The following KCTD8 variants were observed in gnomAD, a reference collection of about 807,000 sequenced individuals.
KCTD8 encodes potassium channel tetramerization domain containing 8.
In KCTD8, 27 loss-of-function variants were observed where a neutral mutation model predicts 31.5. That is an observed-to-expected ratio of 0.86 (90% CI 0.63 to 1.18). KCTD8 has a LOEUF of 1.18. Among genes scored for constraint, KCTD8 ranks in the 50% most tolerant of loss-of-function variants. The pLI is 0.00. For synonymous variants in KCTD8, 290 were observed against 280.0 expected (o/e 1.04, Z -0.36); for missense variants, 658 against 647.7 (o/e 1.02, Z -0.17).
At chr4:44,369,748 A>G (rs1227621586) in intron 1 of KCTD8, among the ~76,000 whole-genome samples, 2 of 152,162 alleles carry the variant, frequency 1.3e-5, no homozygotes, top group Non-Finnish European at 2.9e-5. Flanking sequence ...CAGTGAGCCA[A>G]GATTGCACCT....
intron 1 of KCTD8, among the ~76,000 whole-genome samples, chr4:44,325,674 T>G (rs1373858672): frequency 6.6e-6 from 1 of 151,886 alleles, no homozygotes; most frequent in South Asian, 2.1e-4. Context: ...ATAAAATAAA[T>G]ATTGAGGCAT....
At chr4:44,216,332 C>T (rs558083135) in intron 1 of KCTD8, among the ~76,000 whole-genome samples, 1 of 152,172 alleles carries the variant, frequency 6.6e-6, no homozygotes, top group Non-Finnish European at 1.5e-5. Flanking sequence ...GATATTATTA[C>T]TAGGTTTTGC....
intron 1 of KCTD8, among the ~76,000 whole-genome samples, chr4:44,253,399 T>G (rs544306867): frequency 1.3e-5 from 2 of 151,934 alleles, no homozygotes; most frequent in South Asian, 4.1e-4. Context: ...TCTGGTGGAT[T>G]AAAAATGGCC....
At position 44,344,009 on chromosome 4, in the gene KCTD8, C is replaced by G. The variant is rs186243311; in HGVS notation, c.961+103554G>C. Among the ~76,000 whole-genome samples, 817 of 152,104 alleles carry G rather than the reference C, an allele frequency of 5.4e-3. 13 individuals carry two copies. The highest frequency in any genetic ancestry group is 0.018 in the African/African-American group (760 of 41,492). On this transcript the variant is annotated intron_variant, in intron 1 of 1. Transcript: ENST00000360029. ...AGGTAGCGGGGACTACAGGCACACA[C>G]CACCACACCCAGCTAATTTTTGTAT... is the stretch of plus-strand genomic sequence containing the variant.
chr4:44,426,662 TA>T lies in KCTD8; in HGVS notation c.961+20900del, dbSNP rs144205190. Among the ~76,000 whole-genome samples the T allele has an allele frequency of 4.5e-3, 688 of 151,876 alleles. 10 individuals are homozygous for T. Among genetic ancestry groups the T allele is most frequent in the African/African-American group, 0.016 (666 of 41,516 alleles). ...ATTTCAAATTGGTATAAAAGGAAAT[TA>T]AAAACGAATATATTTATAAGTATTA... On this transcript the variant is annotated intron_variant, in intron 1 of 1. Transcript: ENST00000360029.
At chr4:44,186,138 C>T (rs866595848) in intron 1 of KCTD8, among the ~76,000 whole-genome samples, 74 of 152,286 alleles carry the variant, frequency 4.9e-4, no homozygotes, top group African/African-American at 1.6e-3. Flanking sequence ...AGAGGCTGGA[C>T]ATCGAGAAGA....
chr4:44,340,696 C>T (rs2109418405), intron 1 of KCTD8, among the ~76,000 whole-genome samples: 1 of 152,110 alleles, frequency 6.6e-6, no homozygotes, highest in South Asian at 2.1e-4. Flanking sequence ...AATAACTGAA[C>T]TACTGATAAT....
chr4:44,361,472 T>G (rs531840383), intron 1 of KCTD8, among the ~76,000 whole-genome samples: 3 of 152,066 alleles, frequency 2.0e-5, no homozygotes, highest in Non-Finnish European at 4.4e-5. Flanking sequence ...AAATACTTAA[T>G]AGTGATGCCT....
At chr4:44,246,928 G>T (rs1388608611) in intron 1 of KCTD8, among the ~76,000 whole-genome samples, 2 of 151,746 alleles carry the variant, frequency 1.3e-5, no homozygotes, top group African/African-American at 2.4e-5. Context: ...TTCTTGCTCT[G>T]CCTGCCCTTA....
Position 44,410,692 on chromosome 4 carries a change from C to CA in KCTD8, c.961+36870dup, listed in dbSNP as rs578030039. 3.2e-3 allele frequency among the ~76,000 whole-genome samples: 491 copies of CA among 151,914 alleles called. 1 individual carries two copies. Among genetic ancestry groups the CA allele is most frequent in the African/African-American group, 0.011 (459 of 41,452 alleles). On this transcript the variant is annotated intron_variant, in intron 1 of 1. Transcript: ENST00000360029. ...CATGTCTTATGTGGATGATGGCAGG[C>CA]AAAAAAGAGCTTGAGGAGGAAAACT...
chr4:44,263,123 A>C (rs1037441632), intron 1 of KCTD8, among the ~76,000 whole-genome samples: 1 of 152,142 alleles, frequency 6.6e-6, no homozygotes, highest in Non-Finnish European at 1.5e-5. Context: ...AACGGAAAGC[A>C]TATGGTATTT....
At chr4:44,284,026 C>T (rs900138303) in intron 1 of KCTD8, among the ~76,000 whole-genome samples, 1 of 152,082 alleles carries the variant, frequency 6.6e-6, no homozygotes, top group Non-Finnish European at 1.5e-5. Context: ...TAGAAAGAAT[C>T]AATATGGTGA....
At chr4:44,202,035 A>G (rs1031452990) in intron 1 of KCTD8, among the ~76,000 whole-genome samples, 1 of 152,196 alleles carries the variant, frequency 6.6e-6, no homozygotes, top group Non-Finnish European at 1.5e-5. Flanking sequence ...AGCATATGAA[A>G]AAATACCCAA....
chr4:44,179,182 TTTTC>T (rs988992414), intron 1 of KCTD8, among the ~76,000 whole-genome samples: 1 of 152,108 alleles, frequency 6.6e-6, no homozygotes, highest in Non-Finnish European at 1.5e-5. Context: ...TACTTTCAAA[TTTTC>T]TTTGCCACCT....
chr4:44,215,044 CAA>C (rs1714608715), intron 1 of KCTD8, among the ~76,000 whole-genome samples: 1 of 152,170 alleles, frequency 6.6e-6, no homozygotes, highest in Admixed American at 6.5e-5. Flanking sequence ...TGACTCAACT[CAA>C]GAGGGCAGCT....
At chr4:44,358,646 G>T (rs567317317) in intron 1 of KCTD8, among the ~76,000 whole-genome samples, 1 of 151,480 alleles carries the variant, frequency 6.6e-6, no homozygotes, top group African/African-American at 2.4e-5. Context: ...TCGGCTCACC[G>T]AAAGCTCCGC....
intron 1 of KCTD8, among the ~76,000 whole-genome samples, chr4:44,325,043 A>G (rs1293519931): frequency 6.6e-6 from 1 of 152,008 alleles, no homozygotes; most frequent in African/African-American, 2.4e-5. Context: ...GGGTGGAAAG[A>G]TAATCTTCTT....
At chr4:44,251,059 C>T (rs1031530061) in intron 1 of KCTD8, among the ~76,000 whole-genome samples, 1 of 151,636 alleles carries the variant, frequency 6.6e-6, no homozygotes, top group Admixed American at 6.6e-5. Context: ...ATATGGATAG[C>T]CAATTTTACC....
At chr4:44,323,502 C>T (rs1264792828) in intron 1 of KCTD8, among the ~76,000 whole-genome samples, 1 of 125,402 alleles carries the variant, frequency 8.0e-6, no homozygotes, top group Non-Finnish European at 1.7e-5. Context: ...CCCCACCCAC[C>T]CCCCCCCAAA....
Sources: gnomAD v4.1 joint callset for allele counts (sites outside exome capture counted in the v4.1 genomes callset) on GRCh38, gnomAD v4.1.1 for gene constraint, MANE v1.5 for transcripts, NCBI Gene and HGNC (gene_info 2026-07-23, HGNC 2026-07-21) for gene names.